The following METAP1D variants were observed in gnomAD, a reference collection of about 807,000 sequenced individuals.
METAP1D encodes methionyl aminopeptidase type 1D, mitochondrial, also known as methionine aminopeptidase 1D, mitochondrial.
Under a neutral mutation model 40.5 loss-of-function variants are expected in METAP1D, and 31 were observed. That is an observed-to-expected ratio of 0.77 (90% CI 0.58 to 1.03). The LOEUF (loss-of-function observed/expected upper bound fraction) is 1.03, where lower values mean the gene tolerates loss of function less well. Among genes scored for constraint, METAP1D ranks in the 50% least tolerant of loss-of-function variants. The pLI, the probability that METAP1D is intolerant of heterozygous loss-of-function variation, is 0.00. For synonymous variants in METAP1D, 151 were observed against 146.4 expected (o/e 1.03, Z -0.22); for missense variants, 411 against 420.7 (o/e 0.98, Z 0.20).
chr2:172,016,988 A>G lies in METAP1D; in HGVS notation c.40+16979A>G, dbSNP rs754506632. On this transcript the variant is annotated intron_variant, in intron 1 of 9. Coordinates refer to ENST00000315796, the MANE Select transcript of METAP1D (RefSeq NM_199227.3). ...AAGAGAGGGATTTCCTGACCTCTCT[A>G]CCCAAAGGAGGGGCCTCAGATATAT... Among the ~76,000 whole-genome samples the G allele has an allele frequency of 7.9e-5, 12 of 152,194 alleles. No homozygotes were observed. In the East Asian group the frequency reaches 1.5e-3, roughly 20 times the overall value.
intron 1 of METAP1D, among the ~76,000 whole-genome samples, chr2:172,005,506 A>G (rs1688555577): frequency 7.8e-6 from 1 of 127,414 alleles, no homozygotes; most frequent in Non-Finnish European, 1.7e-5. Flanking sequence ...GTAGTATTCC[A>G]TGGTGTCTGT....
intron 7 of METAP1D, among the ~76,000 whole-genome samples, chr2:172,078,130 C>A (rs1690593651): frequency 6.6e-6 from 1 of 152,138 alleles, no homozygotes; most frequent in South Asian, 2.1e-4. Context: ...TGCTCTCTGT[C>A]TTCTCCTGAA....
chr2:172,072,233 T>C (rs1202245553), intron 6 of METAP1D: 1 of 166,626 alleles, frequency 6.0e-6, no homozygotes, highest in African/African-American at 2.4e-5. Context: ...GAATTCAAAA[T>C]GCAGTTTTAT....
At chr2:172,016,632 A>AAAAG (rs1191203478) in intron 1 of METAP1D, among the ~76,000 whole-genome samples, 7 of 151,678 alleles carry the variant, frequency 4.6e-5, no homozygotes, top group South Asian at 4.2e-4. Flanking sequence ...ACCCCCCCAA[A>AAAAG]AAAGAAAGAA....
chr2:172,000,530 A>G (rs1688435954), intron 1 of METAP1D, among the ~76,000 whole-genome samples: 1 of 152,176 alleles, frequency 6.6e-6, no homozygotes, highest in African/African-American at 2.4e-5. Flanking sequence ...GAGTGTTGAG[A>G]TTTTAGTAAA....
At chr2:172,024,351 C>T (rs1325387588) in intron 1 of METAP1D, among the ~76,000 whole-genome samples, 1 of 152,044 alleles carries the variant, frequency 6.6e-6, no homozygotes, top group African/African-American at 2.4e-5. Context: ...TGAAAGTAGC[C>T]ATTTAGATAA....
intron 7 of METAP1D, among the ~76,000 whole-genome samples, chr2:172,078,403 T>C (rs577700007): frequency 6.6e-6 from 1 of 152,130 alleles, no homozygotes; most frequent in Non-Finnish European, 1.5e-5. Flanking sequence ...GAATCTCTTG[T>C]TTTTCACTGC....
chr2:172,080,292 G>C (rs1232773440), intron 9 of METAP1D, 36 bp from the exon 10 acceptor site: 1 of 1,614,028 alleles, frequency 6.2e-7, no homozygotes, highest in African/African-American at 1.3e-5. Context: ...GCCGGAGCTT[G>C]CGTGCGCGTT....
At chr2:172,035,872 G>T (rs537830778) in intron 1 of METAP1D, among the ~76,000 whole-genome samples, 2 of 151,870 alleles carry the variant, frequency 1.3e-5, no homozygotes, top group Non-Finnish European at 2.9e-5. Context: ...GATCTCGAAT[G>T]CTTGGGCTCA....
chr2:172,063,660 C>A, intron 2 of METAP1D, 51 bp from the exon 3 acceptor site: 1 of 1,389,888 alleles, frequency 7.2e-7, no homozygotes, highest in South Asian at 1.2e-5. Context: ...AAAATGATCC[C>A]ATTGTCGTGC....
At chr2:172,040,885 T>C (rs990973606) in intron 1 of METAP1D, among the ~76,000 whole-genome samples, 2 of 151,926 alleles carry the variant, frequency 1.3e-5, no homozygotes, top group Admixed American at 1.3e-4. Context: ...TAGCTGGGAT[T>C]ACAGGCGCAC....
intron 1 of METAP1D, among the ~76,000 whole-genome samples, chr2:172,053,244 ACT>A (rs1352778074): frequency 6.6e-6 from 1 of 152,136 alleles, no homozygotes; most frequent in African/African-American, 2.4e-5. Flanking sequence ...CTGTGCTCCT[ACT>A]CTGAGTAATT....
intron 6 of METAP1D, among the ~76,000 whole-genome samples, chr2:172,075,385 C>T (rs1023400593): frequency 5.3e-5 from 8 of 152,166 alleles, no homozygotes; most frequent in Non-Finnish European, 1.2e-4. Flanking sequence ...AACTCTTGTG[C>T]ACAGAAAAGG....
chr2:172,075,167 A>G (rs1458061451), intron 6 of METAP1D, among the ~76,000 whole-genome samples: 1 of 152,168 alleles, frequency 6.6e-6, no homozygotes, highest in African/African-American at 2.4e-5. Context: ...TTCATAAACA[A>G]CCTTTATGTA....
At chr2:172,055,673 C>G (rs1370818426) in intron 1 of METAP1D, among the ~76,000 whole-genome samples, 1 of 152,154 alleles carries the variant, frequency 6.6e-6, no homozygotes, top group South Asian at 2.1e-4. Context: ...GGAATAAACA[C>G]AGTATGGCAC....
Position 172,063,712 on chromosome 2 carries a change from A to G in METAP1D, c.200A>G (p.His67Arg). 5 of 1,611,952 alleles carry G rather than the reference A, an allele frequency of 3.1e-6. No homozygotes were observed. The highest frequency in any genetic ancestry group is 4.2e-6 in the Non-Finnish European group (5 of 1,178,344). Reference protein sequence around the residue: ...AVSSAHPVPKHIKKPDYVTTG... With the variant: ...AVSSAHPVPKRIKKPDYVTTG... ...CGTTTTCAATCCTTTTTCCTCAAGC[A>G]CATAAAGAAGCCAGACTATGTGACG... The change falls in exon 3 of 10, where the codon CAC (histidine) becomes CGC (arginine). Residue 67 changes from histidine to arginine, a missense_variant and splice_region_variant. Physicochemically the swap from His to Arg is conservative, Grantham distance 29. Transcript: ENST00000315796.
chr2:172,061,678 C>G, intron 2 of METAP1D, 23 bp downstream of exon 2: 1 of 1,546,456 alleles, frequency 6.5e-7, no homozygotes, highest in South Asian at 1.3e-5. Flanking sequence ...CTATTATCTC[C>G]TGCTTTTTCC....
At chr2:172,078,074 ACTGG>A (rs1690592231) in intron 7 of METAP1D, among the ~76,000 whole-genome samples, 180 bp downstream of exon 7, 1 of 152,096 alleles carries the variant, frequency 6.6e-6, no homozygotes, top group Non-Finnish European at 1.5e-5. Context: ...TTACTGTGTT[ACTGG>A]ATTAGAGCCC....
Position 172,065,675 on chromosome 2 carries a change from A to G in METAP1D, c.420A>G (p.Ser140=). 1 of 1,613,956 alleles carries G rather than the reference A, an allele frequency of 6.2e-7. No individual in the cohort carries two copies. The highest frequency in any genetic ancestry group is 8.5e-7 in the Non-Finnish European group (1 of 1,179,926). The change falls in exon 4 of 10, where the codon TCA becomes TCG. Residue 140 remains serine (S), a synonymous_variant. Coordinates refer to ENST00000315796, the MANE Select transcript of METAP1D (RefSeq NM_199227.3). ...TCATCAGTCATAATGCCTATCCCTC[A>G]CCTCTAGGCTATGGAGGTTTTCCAA... ...REIISHNAYP[S]PLGYGGFPKS... is the part of the protein sequence containing the mutation.
Sources: gnomAD v4.1 joint callset for allele counts (sites outside exome capture counted in the v4.1 genomes callset) on GRCh38, gnomAD v4.1.1 for gene constraint, MANE v1.5 for transcripts, NCBI Gene and HGNC (gene_info 2026-07-23, HGNC 2026-07-21) for gene names.